The following PLPPR5 variants were observed in gnomAD, a reference collection of about 807,000 sequenced individuals.
PLPPR5 encodes phospholipid phosphatase-related protein type 5.
In PLPPR5, 16 loss-of-function variants were observed where a neutral mutation model predicts 33.9. The ratio of observed to expected loss-of-function variants is 0.47; its 90% CI spans 0.32 to 0.72. PLPPR5 has a LOEUF of 0.72. Among genes scored for constraint, PLPPR5 ranks in the 30% least tolerant of loss-of-function variants. PLPPR5 has a pLI of 0.03. For missense variants in PLPPR5, 301 were observed against 406.7 expected (o/e 0.74, Z 2.23); for synonymous variants, 163 against 150.3 (o/e 1.08, Z -0.62).
chr1:98,965,687 A>G (rs1306491736), intron 1 of PLPPR5, among the ~76,000 whole-genome samples: 1 of 152,226 alleles, frequency 6.6e-6, no homozygotes, highest in Non-Finnish European at 1.5e-5. Context: ...AAGTTTTACT[A>G]GGAAGAGAAA....
chr1:98,939,254 A>G (rs573732753), intron 3 of PLPPR5, among the ~76,000 whole-genome samples: 21 of 152,124 alleles, frequency 1.4e-4, no homozygotes, highest in Non-Finnish European at 2.1e-4. Context: ...AATGATTATT[A>G]TCACATAGTT....
At chr1:98,953,781 A>C (rs2101214278) in intron 2 of PLPPR5, among the ~76,000 whole-genome samples, 1 of 152,316 alleles carries the variant, frequency 6.6e-6, no homozygotes, top group South Asian at 2.1e-4. Context: ...TCCCATTCAG[A>C]CTGATGTTAA....
chr1:98,900,279 C>T (rs1410844086), intron 5 of PLPPR5, among the ~76,000 whole-genome samples: 2 of 152,022 alleles, frequency 1.3e-5, no homozygotes, highest in Admixed American at 6.6e-5. Context: ...TAAACAAAAC[C>T]GTTGCGTGAG....
chr1:98,897,419 A>G (rs1388102401), intron 5 of PLPPR5, among the ~76,000 whole-genome samples: 4 of 152,184 alleles, frequency 2.6e-5, no homozygotes, highest in African/African-American at 9.7e-5. Context: ...TATTACTTAA[A>G]TGTTTATTTA....
At chr1:98,913,226 C>T (rs560986003) in intron 5 of PLPPR5, among the ~76,000 whole-genome samples, 1 of 152,258 alleles carries the variant, frequency 6.6e-6, no homozygotes, top group South Asian at 2.1e-4. Context: ...TGCAACAGTC[C>T]CTCATAATCC....
intron 3 of PLPPR5, among the ~76,000 whole-genome samples, chr1:98,948,615 C>T (rs184043178): frequency 4.1e-4 from 63 of 152,234 alleles, no homozygotes; most frequent in Non-Finnish European, 7.4e-4. Flanking sequence ...AGCTTAGGAA[C>T]CTAAGTCTTA....
At chr1:98,912,992 A>G (rs1570691717) in intron 5 of PLPPR5, among the ~76,000 whole-genome samples, 2 of 152,220 alleles carry the variant, frequency 1.3e-5, no homozygotes, top group Admixed American at 1.3e-4. Context: ...CTATAGTAAA[A>G]GGAAATTTTA....
chr1:98,965,354 T>C (rs1226239989), intron 1 of PLPPR5, among the ~76,000 whole-genome samples: 4 of 152,166 alleles, frequency 2.6e-5, no homozygotes, highest in Non-Finnish European at 5.9e-5. Context: ...AATCCCAGTG[T>C]TGAACACTAT....
intron 5 of PLPPR5, among the ~76,000 whole-genome samples, chr1:98,903,049 C>T (rs1304566046): frequency 6.6e-6 from 1 of 151,962 alleles, no homozygotes; most frequent in Non-Finnish European, 1.5e-5. Context: ...AAAATAATAA[C>T]AGAATGTGCC....
intron 5 of PLPPR5, among the ~76,000 whole-genome samples, chr1:98,911,044 C>T (rs756408537): frequency 1.3e-5 from 2 of 152,260 alleles, no homozygotes; most frequent in Middle Eastern, 6.8e-3. Flanking sequence ...AGCCTTCCTC[C>T]CTTTCTGCCT....
chr1:98,942,754 A>T (rs1431131980), intron 3 of PLPPR5, among the ~76,000 whole-genome samples: 1 of 152,224 alleles, frequency 6.6e-6, no homozygotes, highest in Non-Finnish European at 1.5e-5. Flanking sequence ...GAATGTACAC[A>T]TCATGTGAGA....
intron 3 of PLPPR5, among the ~76,000 whole-genome samples, chr1:98,947,371 A>G (rs1020914758): frequency 1.3e-5 from 2 of 152,216 alleles, no homozygotes; most frequent in Non-Finnish European, 2.9e-5. Context: ...ATCACAGAAT[A>G]CCCAAATGTA....
chr1:98,935,401 G>A, intron 3 of PLPPR5, among the ~76,000 whole-genome samples: 1 of 152,208 alleles, frequency 6.6e-6, no homozygotes, highest in South Asian at 2.1e-4. Flanking sequence ...ACAAGTGGGA[G>A]AGGAGAGCAG....
At chr1:98,972,304 T>TG (rs1355422458) in intron 1 of PLPPR5, among the ~76,000 whole-genome samples, 1 of 152,120 alleles carries the variant, frequency 6.6e-6, no homozygotes, top group Non-Finnish European at 1.5e-5. Context: ...AACAAATACT[T>TG]AGACATTGCC....
At chr1:98,980,653 T>G (rs1160073775) in intron 1 of PLPPR5, among the ~76,000 whole-genome samples, 2 of 152,096 alleles carry the variant, frequency 1.3e-5, no homozygotes, top group South Asian at 2.1e-4. Context: ...ATCCTCAAAT[T>G]TATAGAGCAA....
intron 3 of PLPPR5, among the ~76,000 whole-genome samples, chr1:98,936,992 G>A (rs1650187805): frequency 6.6e-6 from 1 of 152,176 alleles, no homozygotes; most frequent in South Asian, 2.1e-4. Flanking sequence ...ACAGTCTGTA[G>A]CCTCAGAGAT....
Position 98,974,025 on chromosome 1 carries a change from T to C in PLPPR5, c.238-17284A>G, listed in dbSNP as rs531455027. 1.3e-4 allele frequency among the ~76,000 whole-genome samples: 20 copies of C among 151,964 alleles called. No individual in the cohort carries two copies. In the East Asian group the frequency reaches 2.3e-3, roughly 18 times the overall value. On this transcript the variant is annotated intron_variant, in intron 1 of 5. Transcript: ENST00000263177. The stretch of plus-strand genomic sequence containing the variant: ...TAAATCCTTTCCGGGTAGTGAACCA[T>C]GCTTAAAGCCGCGGGAAAGCAAAAG...
intron 5 of PLPPR5, among the ~76,000 whole-genome samples, chr1:98,909,644 C>T (rs79948074): frequency 0.013 from 2,048 of 152,096 alleles, 18 homozygotes; most frequent in Middle Eastern, 0.017. Flanking sequence ...AATCACCAAG[C>T]ATTTAAGTGA....
At chr1:98,973,670 G>T (rs539893976) in intron 1 of PLPPR5, among the ~76,000 whole-genome samples, 3 of 151,924 alleles carry the variant, frequency 2.0e-5, no homozygotes, top group South Asian at 4.2e-4. Context: ...AGGACATAGG[G>T]TTGACACAAT....
Sources: allele counts gnomAD v4.1 joint callset (sites outside exome capture counted in the v4.1 genomes callset), GRCh38; gene constraint gnomAD v4.1.1; transcripts MANE v1.5; gene names NCBI Gene and HGNC (gene_info 2026-07-23, HGNC 2026-07-21).